Variants in KIAA1958 observed in about 807,000 individuals in gnomAD.
The protein encoded by KIAA1958 is uncharacterized protein KIAA1958.
In KIAA1958, 14 loss-of-function variants were observed where a neutral mutation model predicts 47.2. The observed-to-expected ratio is 0.30, with a 90% CI of 0.20 to 0.46. The LOEUF (loss-of-function observed/expected upper bound fraction) is 0.46, where lower values mean the gene tolerates loss of function less well. KIAA1958 is among the 20% of genes least tolerant of loss of function. The probability of loss-of-function intolerance (pLI) is 1.00; values close to 1 mark genes in which losing one functional copy is unlikely to be tolerated. For synonymous variants in KIAA1958, 354 were observed against 353.3 expected (o/e 1.00, Z -0.02); for missense variants, 803 against 909.2 (o/e 0.88, Z 1.50).
chr9:112,556,448 T>C (rs1835244139), intron 1 of KIAA1958, among the ~76,000 whole-genome samples: 1 of 152,224 alleles, frequency 6.6e-6, no homozygotes, highest in Non-Finnish European at 1.5e-5. Context: ...CTCTCCACTT[T>C]TGTTGTAAAT....
At chr9:112,612,258 A>T (rs768492029) in intron 2 of KIAA1958, among the ~76,000 whole-genome samples, 19 of 151,838 alleles carry the variant, frequency 1.3e-4, no homozygotes, top group Non-Finnish European at 2.4e-4. Context: ...AAAAAAAAAC[A>T]TGTATTTTTT....
chr9:112,607,689 AT>A (rs1836258742), intron 2 of KIAA1958, among the ~76,000 whole-genome samples: 1 of 134,850 alleles, frequency 7.4e-6, no homozygotes. Context: ...GCACTGAGAC[AT>A]TTCCTAGTAA....
chr9:112,622,210 C>T (rs564896280), intron 2 of KIAA1958, among the ~76,000 whole-genome samples: 1 of 152,320 alleles, frequency 6.6e-6, no homozygotes, highest in African/African-American at 2.4e-5. Context: ...AAAAAATCAA[C>T]AGTCCAGGAG....
intron 1 of KIAA1958, among the ~76,000 whole-genome samples, chr9:112,545,835 T>TTTG (rs1420757942): frequency 2.5e-4 from 37 of 149,880 alleles, no homozygotes; most frequent in Non-Finnish European, 5.3e-4. Flanking sequence ...GTTTTTTTTT[T>TTTG]TTTTTTTTTT....
chr9:112,556,013 A>G (rs1046320776), intron 1 of KIAA1958, among the ~76,000 whole-genome samples: 9 of 152,102 alleles, frequency 5.9e-5, no homozygotes, highest in African/African-American at 2.2e-4. Flanking sequence ...GGAGACAGAG[A>G]TTGCAGTGAG....
In KIAA1958 at chr9:112,487,113, C is replaced by T; in HGVS notation, c.-30C>T. ...TTCCTATGGACAGACGCACAGACAC[C>T]TGCAGGTGGGTGAGAGCCCGCGCGC... On this transcript the variant is annotated 5_prime_UTR_variant, in exon 1 of 4. Coordinates refer to ENST00000337530, the MANE Select transcript of KIAA1958 (RefSeq NM_133465.4). 1 of 211,286 alleles carries T rather than the reference C, an allele frequency of 4.7e-6. No homozygotes were observed. The highest frequency in any genetic ancestry group is 9.6e-6 in the Non-Finnish European group (1 of 104,064). The allele number at this position is 211,286 out of a possible 1,614,324, so 13.1% of individuals were successfully genotyped here.
At chr9:112,512,443 A>G (rs985592518) in intron 1 of KIAA1958, among the ~76,000 whole-genome samples, 1 of 152,244 alleles carries the variant, frequency 6.6e-6, no homozygotes, top group Non-Finnish European at 1.5e-5. Flanking sequence ...GAAAAAATCA[A>G]ACATTTATTC....
At position 112,658,786 on chromosome 9, in the gene KIAA1958, CATCTCTACAAAAAATACAAAAAATTA is replaced by C. The variant is rs1349655770; in HGVS notation, c.1345-476_1345-451del. Among the ~76,000 whole-genome samples the C allele has an allele frequency of 2.0e-5, 3 of 151,786 alleles. No individual in the cohort carries two copies. In the East Asian group the frequency reaches 5.8e-4, roughly 29 times the overall value. On this transcript the variant is annotated intron_variant, in intron 3 of 3. Coordinates refer to ENST00000337530, the MANE Select transcript of KIAA1958 (RefSeq NM_133465.4). Reference sequence around the variant, plus strand: ...CATCCTGGCTAACACTGTGAAACCCCATCTCTACAAAAAATACAAAAAATTAGATCGAGACCATCCTGGCTAACACT... The same window carrying C: ...CATCCTGGCTAACACTGTGAAACCCCGATCGAGACCATCCTGGCTAACACT...
intron 1 of KIAA1958, among the ~76,000 whole-genome samples, chr9:112,558,585 A>G (rs1835280607): frequency 1.3e-5 from 2 of 152,238 alleles, no homozygotes; most frequent in African/African-American, 4.8e-5. Flanking sequence ...AATTCAAGTC[A>G]TCTTGATGTC....
At chr9:112,524,929 C>G (rs1834614418) in intron 1 of KIAA1958, among the ~76,000 whole-genome samples, 1 of 152,160 alleles carries the variant, frequency 6.6e-6, no homozygotes, top group South Asian at 2.1e-4. Context: ...TAATATAATT[C>G]TGGTTGGCTG....
chr9:112,543,793 G>T (rs1343227852), intron 1 of KIAA1958, among the ~76,000 whole-genome samples: 1 of 151,902 alleles, frequency 6.6e-6, no homozygotes, highest in African/African-American at 2.4e-5. Flanking sequence ...GGCTGGTCTC[G>T]AACTTCCGAC....
chr9:112,635,122 T>C (rs1478198499), intron 2 of KIAA1958, among the ~76,000 whole-genome samples: 2 of 152,182 alleles, frequency 1.3e-5, no homozygotes, highest in Non-Finnish European at 2.9e-5. Context: ...GAGTGTTCCC[T>C]CTTTTTCTGT....
intron 2 of KIAA1958, chr9:112,617,735 A>ATT (rs1836431242): frequency 1.4e-6 from 1 of 695,508 alleles, no homozygotes; most frequent in African/African-American, 1.8e-5. Context: ...TGTAAATAAC[A>ATT]TTTATCAGTG....
chr9:112,486,862 C>G lies in KIAA1958; in HGVS notation c.-281C>G, dbSNP rs1180985933. 2.8e-5 allele frequency: 4 copies of G among 141,188 alleles called. No homozygotes were observed. The highest frequency in any genetic ancestry group is 1.0e-4 in the African/African-American group (4 of 39,426). The allele number at this position is 141,188 out of a possible 1,614,324, so 8.7% of individuals were successfully genotyped here. A position where few individuals can be genotyped will look rare whatever the true frequency, so the allele number is the denominator to read the frequency against. On this transcript the variant is annotated 5_prime_UTR_variant, in exon 1 of 4. Transcript: ENST00000337530. The stretch of plus-strand genomic sequence containing the variant: ...CCCGCCGCGCTCCGAGCCGGGCGCG[C>G]GGAGCTCGGGGCGCACGGAGCGGCG...
chr9:112,561,180 G>A (rs375676414), intron 1 of KIAA1958, among the ~76,000 whole-genome samples: 8 of 150,790 alleles, frequency 5.3e-5, no homozygotes, highest in African/African-American at 9.8e-5. Context: ...TCAGCCTCCC[G>A]AGTAGCTGGG....
At chr9:112,557,167 C>T (rs1446110681) in intron 1 of KIAA1958, among the ~76,000 whole-genome samples, 1 of 31,936 alleles carries the variant, frequency 3.1e-5, no homozygotes, top group Non-Finnish European at 7.2e-5. Context: ...ACTCTATTAC[C>T]TAGGCTGGCC....
In KIAA1958 at chr9:112,622,389, A is replaced by G. The variant is rs74684382; in HGVS notation, c.1172-23261A>G. ...ACTGTCTACAACAAAAACACTGAAC[A>G]CTGTCAGCATTTGGATGACATAGCT... On this transcript the variant is annotated intron_variant, in intron 2 of 3. Coordinates refer to ENST00000337530, the MANE Select transcript of KIAA1958 (RefSeq NM_133465.4). Among the ~76,000 whole-genome samples, 795 of 152,340 alleles carry G rather than the reference A, an allele frequency of 5.2e-3. 11 individuals carry two copies. The highest frequency in any genetic ancestry group is 0.018 in the African/African-American group (756 of 41,572).
chr9:112,557,683 T>C (rs1835265045), intron 1 of KIAA1958, among the ~76,000 whole-genome samples: 1 of 152,140 alleles, frequency 6.6e-6, no homozygotes, highest in Non-Finnish European at 1.5e-5. Context: ...GATGAGCCAG[T>C]GACAGAAACT....
At chr9:112,529,908 A>G (rs1461175500) in intron 1 of KIAA1958, among the ~76,000 whole-genome samples, 2 of 151,666 alleles carry the variant, frequency 1.3e-5, no homozygotes, top group African/African-American at 4.8e-5. Flanking sequence ...CAGTGGTGCT[A>G]TCTCGGCTCA....
Sources: allele counts gnomAD v4.1 joint callset (sites outside exome capture counted in the v4.1 genomes callset), GRCh38; gene constraint gnomAD v4.1.1; transcripts MANE v1.5; gene names NCBI Gene and HGNC (gene_info 2026-07-23, HGNC 2026-07-21).